The following GXYLT2 variants were observed in gnomAD, a reference collection of about 807,000 sequenced individuals.
GXYLT2 encodes the protein glycosyltransferase 8 domain containing 4.
In GXYLT2, 53 loss-of-function variants were observed where a neutral mutation model predicts 45.8. The ratio of observed to expected loss-of-function variants is 1.16; its 90% CI spans 0.93 to 1.46. GXYLT2 has a LOEUF of 1.46. GXYLT2 is among the 40% of genes most tolerant of loss of function. The pLI, the probability that GXYLT2 is intolerant of heterozygous loss-of-function variation, is 0.00. For missense variants in GXYLT2, 551 were observed against 544.4 expected (o/e 1.01, Z -0.12); for synonymous variants, 219 against 214.2 (o/e 1.02, Z -0.19).
chr3:72,955,410 C>T (rs1422723892), intron 4 of GXYLT2, 61 bp downstream of exon 4: 6 of 1,552,924 alleles, frequency 3.9e-6, no homozygotes, highest in Non-Finnish European at 5.3e-6. Context: ...TCAACAGTGG[C>T]ACTACCAGAG....
In GXYLT2 at chr3:72,908,497, C is replaced by A. The variant is rs1264941196; in HGVS notation, c.406C>A (p.His136Asn). 1 of 1,613,754 alleles carries A rather than the reference C, an allele frequency of 6.2e-7. No homozygotes were observed. The highest frequency in any genetic ancestry group is 8.5e-7 in the Non-Finnish European group (1 of 1,179,862). The change falls in exon 2 of 7, where the codon CAC (histidine) becomes AAC (asparagine). Residue 136 changes from histidine to asparagine, a missense_variant. Physicochemically the swap from His to Asn is moderately conservative, Grantham distance 68 (BLOSUM62 1). Transcript: ENST00000389617. ...VMLKSAVLFSHRKIQFHIFTE... is the reference protein window; with the variant it reads ...VMLKSAVLFSNRKIQFHIFTE... ...GCTCAAATCAGCTGTGCTTTTTAGC[C>A]ACAGGAAGATCCAATTCCACATCTT...
intron 2 of GXYLT2, among the ~76,000 whole-genome samples, chr3:72,920,825 T>A (rs904775063): frequency 1.3e-5 from 2 of 150,492 alleles, no homozygotes; most frequent in African/African-American, 4.9e-5. Context: ...TGTATTTTTT[T>A]TTTTTTTTAG....
intron 3 of GXYLT2, among the ~76,000 whole-genome samples, chr3:72,938,644 A>G (rs1710236157): frequency 6.6e-6 from 1 of 152,176 alleles, no homozygotes; most frequent in Non-Finnish European, 1.5e-5. Flanking sequence ...AACACCTGAT[A>G]AGAGGAGGAA....
chr3:72,972,861 TA>T, intron 6 of GXYLT2, among the ~76,000 whole-genome samples: 3 of 151,396 alleles, frequency 2.0e-5, no homozygotes, highest in Admixed American at 6.6e-5. Context: ...CTCTTGAGCT[TA>T]GGAGGCCAAG....
rs1229128741 is a variant in GXYLT2, at chr3:72,922,195, GT to G, written c.469-4del. 2 of 1,610,422 alleles carry G rather than the reference GT, an allele frequency of 1.2e-6. No individual in the cohort carries two copies. Among genetic ancestry groups the G allele is most frequent in the Non-Finnish European group, 1.7e-6 (2 of 1,178,578 alleles). ...TAATCACCCTTCCCTTGCTTCCCAT[GT>G]TTTTCAGTTACGCCAGTGGCCTGAC... On this transcript the variant is annotated splice_polypyrimidine_tract_variant and splice_region_variant and intron_variant, in intron 2 of 6. Coordinates refer to ENST00000389617, the MANE Select transcript of GXYLT2 (RefSeq NM_001080393.2).
intron 1 of GXYLT2, among the ~76,000 whole-genome samples, chr3:72,889,896 G>GTTTTT (rs369830925): frequency 7.4e-5 from 10 of 135,538 alleles, no homozygotes; most frequent in African/African-American, 2.6e-4. Context: ...TTTTCTTTTG[G>GTTTTT]TTTTTTTTTT....
chr3:72,921,195 T>C (rs1276371062), intron 2 of GXYLT2, among the ~76,000 whole-genome samples: 2 of 151,696 alleles, frequency 1.3e-5, no homozygotes, highest in Non-Finnish European at 2.9e-5. Context: ...AAAAAAAATT[T>C]ATAGTTTTTT....
At chr3:72,964,994 T>G (rs985387919) in intron 5 of GXYLT2, among the ~76,000 whole-genome samples, 1 of 152,218 alleles carries the variant, frequency 6.6e-6, no homozygotes, top group Non-Finnish European at 1.5e-5. Context: ...GCCTCTGCAT[T>G]AAATTGCAGA....
chr3:72,889,730 A>C (rs1317000423), intron 1 of GXYLT2, among the ~76,000 whole-genome samples: 1 of 152,260 alleles, frequency 6.6e-6, no homozygotes, highest in East Asian at 1.9e-4. Flanking sequence ...GCTAAGTTTG[A>C]TGGGACAACT....
chr3:72,888,070 G>A lies in GXYLT2; in HGVS notation c.-164G>A, dbSNP rs1471090918. 1.3e-5 allele frequency: 3 copies of A among 231,726 alleles called. No homozygotes were observed. Among genetic ancestry groups the A allele is most frequent in the Non-Finnish European group, 2.1e-5 (3 of 142,780 alleles). 14.4% of individuals were successfully genotyped at this position (231,726 alleles called of 1,614,324 possible). A position where few individuals can be genotyped will look rare whatever the true frequency, so the allele number is the denominator to read the frequency against. On this transcript the variant is annotated 5_prime_UTR_variant, in exon 1 of 7. Coordinates refer to ENST00000389617, the MANE Select transcript of GXYLT2 (RefSeq NM_001080393.2). ...CCTCTCCTCTCTCTCCTCCTCCTTC[G>A]CCGTCGCCGCCGCCGCCGGCCGCCC...
intron 1 of GXYLT2, among the ~76,000 whole-genome samples, chr3:72,895,052 C>T (rs1006026553): frequency 6.6e-6 from 1 of 152,160 alleles, no homozygotes; most frequent in African/African-American, 2.4e-5. Flanking sequence ...GGGTTTGGCA[C>T]AACAGAGGGC....
chr3:72,937,539 C>G (rs1464128318), intron 3 of GXYLT2, among the ~76,000 whole-genome samples: 2 of 152,186 alleles, frequency 1.3e-5, no homozygotes, highest in Non-Finnish European at 2.9e-5. Flanking sequence ...TTTGCATCCT[C>G]TTTACAAATG....
In GXYLT2 at chr3:72,975,542, C is replaced by A. The variant is rs541015796; in HGVS notation, c.*383C>A. ...ACTCTTTCTATGCAACTGACTCCCC[C>A]ACACCCGTGTTATAAAAGTAATACA... On this transcript the variant is annotated 3_prime_UTR_variant, in exon 7 of 7. Transcript: ENST00000389617. The A allele has an allele frequency of 8.5e-4, 139 of 164,408 alleles. No homozygotes were observed. Among genetic ancestry groups the A allele is most frequent in the Non-Finnish European group, 1.3e-3 (103 of 76,584 alleles). The allele number at this position is 164,408 out of a possible 1,614,324, so 10.2% of individuals were successfully genotyped here. A position where few individuals can be genotyped will look rare whatever the true frequency, so the allele number is the denominator to read the frequency against.
At chr3:72,946,849 G>C (rs753033114) in intron 3 of GXYLT2, among the ~76,000 whole-genome samples, 16 of 152,056 alleles carry the variant, frequency 1.1e-4, no homozygotes, top group Non-Finnish European at 2.2e-4. Flanking sequence ...TTAAGAGACA[G>C]GTCTCCATCT....
chr3:72,909,062 C>CTTTTTTTTTTTTTT (rs71126804), intron 2 of GXYLT2, among the ~76,000 whole-genome samples: 1 of 91,120 alleles, frequency 1.1e-5, no homozygotes, highest in African/African-American at 4.3e-5. Context: ...TTCTTCCTTT[C>CTTTTTTTTTTTTTT]TTTTTTTTTT....
At chr3:72,934,925 A>G (rs181964274) in intron 3 of GXYLT2, among the ~76,000 whole-genome samples, 4 of 152,312 alleles carry the variant, frequency 2.6e-5, no homozygotes, top group East Asian at 1.9e-4. Context: ...AGGATTCCCC[A>G]TTAGAGTGGC....
chr3:72,944,632 T>C (rs1268615227), intron 3 of GXYLT2, among the ~76,000 whole-genome samples: 1 of 152,144 alleles, frequency 6.6e-6, no homozygotes, highest in African/African-American at 2.4e-5. Context: ...TGTTGTTTGC[T>C]CTTCTCTGTT....
intron 1 of GXYLT2, among the ~76,000 whole-genome samples, chr3:72,905,259 A>G (rs1242668011): frequency 1.3e-5 from 2 of 152,050 alleles, no homozygotes; most frequent in Non-Finnish European, 2.9e-5. Flanking sequence ...CTGGGATTAC[A>G]GGCACACGCC....
At chr3:72,888,989 G>A (rs1444194362) in intron 1 of GXYLT2, among the ~76,000 whole-genome samples, 2 of 152,176 alleles carry the variant, frequency 1.3e-5, no homozygotes, top group Non-Finnish European at 2.9e-5. Flanking sequence ...AGGGACACTT[G>A]ACCTAAGTTT....
Sources: allele counts gnomAD v4.1 joint callset (sites outside exome capture counted in the v4.1 genomes callset), GRCh38; gene constraint gnomAD v4.1.1; transcripts MANE v1.5; gene names NCBI Gene and HGNC (gene_info 2026-07-23, HGNC 2026-07-21).